The following HDAC4 variants were observed in gnomAD, a reference collection of about 807,000 sequenced individuals.
HDAC4 encodes histone deacetylase A.
A neutral mutation model predicts 135.1 loss-of-function variants in HDAC4; 16 were observed. The observed-to-expected ratio is 0.12, with a 90% CI of 0.08 to 0.18. The LOEUF is 0.18. Among genes scored for constraint, HDAC4 ranks in the 10% least tolerant of loss-of-function variants. The pLI, the probability that HDAC4 is intolerant of heterozygous loss-of-function variation, is 1.00. For missense variants in HDAC4, 1,143 were observed against 1,511.8 expected (o/e 0.76, Z 4.05); for synonymous variants, 685 against 653.4 (o/e 1.05, Z -0.74).
chr2:239,319,704 A>C (rs1322171711), intron 2 of HDAC4, among the ~76,000 whole-genome samples: 1 of 152,236 alleles, frequency 6.6e-6, no homozygotes, highest in Non-Finnish European at 1.5e-5. Context: ...AAAATTCACA[A>C]AATTGAATGC....
intron 12 of HDAC4, among the ~76,000 whole-genome samples, chr2:239,126,030 T>C (rs1271523587): frequency 1.3e-5 from 2 of 152,236 alleles, no homozygotes. Flanking sequence ...TGCTAGTTTA[T>C]TTAAAGGTAT....
intron 9 of HDAC4, among the ~76,000 whole-genome samples, chr2:239,137,874 C>A (rs1431481073): frequency 6.6e-6 from 1 of 152,206 alleles, no homozygotes. Context: ...CTTGGTATTT[C>A]CTGTAACTCC....
intron 3 of HDAC4, among the ~76,000 whole-genome samples, chr2:239,190,406 C>T (rs573933104): frequency 1.4e-4 from 21 of 152,354 alleles, no homozygotes; most frequent in African/African-American, 5.1e-4. Context: ...GCCCAGAGGC[C>T]TTGCTGACGT....
chr2:239,066,260 G>A (rs1479871941), intron 24 of HDAC4, among the ~76,000 whole-genome samples: 1 of 152,204 alleles, frequency 6.6e-6, no homozygotes, highest in Non-Finnish European at 1.5e-5. Flanking sequence ...TGTCCCTGGG[G>A]GCTCAGAGCA....
In HDAC4 at chr2:239,084,750, CCA is replaced by C. The variant is rs546637041; in HGVS notation, c.2445-510_2445-509del. On this transcript the variant is annotated intron_variant, in intron 19 of 26. Coordinates refer to ENST00000543185, the MANE Select transcript of HDAC4 (RefSeq NM_001378414.1). ...CATGCCCCACAGATACGCCCATACA[CCA>C]CAGACACACACCCCACACACACTCC... Among the ~76,000 whole-genome samples, 365 of 147,458 alleles carry C rather than the reference CCA, an allele frequency of 2.5e-3. 3 individuals carry two copies. The highest frequency in any genetic ancestry group is 8.5e-3 in the African/African-American group (337 of 39,846).
intron 22 of HDAC4, among the ~76,000 whole-genome samples, chr2:239,071,289 C>T (rs942317596): frequency 2.0e-5 from 3 of 152,078 alleles, no homozygotes; most frequent in African/African-American, 7.2e-5. Flanking sequence ...GTGGCATGCA[C>T]CTATAATCCC....
At chr2:239,280,730 T>G (rs1376410047) in intron 2 of HDAC4, among the ~76,000 whole-genome samples, 1 of 152,070 alleles carries the variant, frequency 6.6e-6, no homozygotes, top group Non-Finnish European at 1.5e-5. Context: ...CTTGTCCCCA[T>G]GCACACACGT....
In HDAC4 at chr2:239,306,416, C is replaced by T. The variant is rs548205686; in HGVS notation, c.22+46262G>A. Reference sequence around the variant, plus strand: ...AGGCCACCTGGCCAGGCCCCATCCACGGATGTGTCCCTGCCCAGGTGCCAG... The same window carrying T: ...AGGCCACCTGGCCAGGCCCCATCCATGGATGTGTCCCTGCCCAGGTGCCAG... On this transcript the variant is annotated intron_variant, in intron 2 of 26. Transcript: ENST00000543185. This position sits in a 1 kb window ranked among gnomAD's most constrained non-coding sequence, Gnocchi z 4.5. 5.9e-5 allele frequency among the ~76,000 whole-genome samples: 9 copies of T among 152,156 alleles called. No homozygotes were observed. Among genetic ancestry groups the T allele is most frequent in the East Asian group, 1.9e-4 (1 of 5,174 alleles).
intron 2 of HDAC4, among the ~76,000 whole-genome samples, chr2:239,321,490 A>G (rs1477642609): frequency 7.1e-6 from 1 of 141,476 alleles, no homozygotes. Context: ...AAAAAAAAAA[A>G]AGGTTAGCTT....
At chr2:239,337,018 T>C (rs948389304) in intron 2 of HDAC4, among the ~76,000 whole-genome samples, 1 of 152,088 alleles carries the variant, frequency 6.6e-6, no homozygotes, top group Non-Finnish European at 1.5e-5. Context: ...GTAGGAAGGG[T>C]GTCTACTGGA....
rs1312229886 is a variant in HDAC4, at chr2:239,144,690, C to T, written c.758G>A (p.Arg253Gln). The part of the protein sequence containing the change: ...KTASEPNLKL[R>Q]SRLKQKVAER... The stretch of plus-strand genomic sequence containing the variant: ...GGCCACTTTCTGCTTTAGCCTGGAC[C>T]GTAATTTCAGATTCGGTTCAGAAGC... The change falls in exon 8 of 27, where the codon CGG becomes CAG. Residue 253 changes from arginine (R) to glutamine (Q), a missense_variant. This residue lies in a region of HDAC4 where 5 missense variants were observed against 29.8 expected (regional missense o/e 0.17). Coordinates refer to ENST00000543185, the MANE Select transcript of HDAC4 (RefSeq NM_001378414.1). 3.7e-6 allele frequency: 6 copies of T among 1,614,148 alleles called. No individual in the cohort carries two copies. The highest frequency in any genetic ancestry group is 5.1e-6 in the Non-Finnish European group (6 of 1,180,032).
chr2:239,223,203 G>C (rs1451094457), intron 3 of HDAC4, among the ~76,000 whole-genome samples: 1 of 152,040 alleles, frequency 6.6e-6, no homozygotes, highest in Non-Finnish European at 1.5e-5. Context: ...CTAACAGCTG[G>C]GCCGAAGTAG....
chr2:239,312,461 T>C (rs190725002), intron 2 of HDAC4, among the ~76,000 whole-genome samples: 1 of 152,302 alleles, frequency 6.6e-6, no homozygotes, highest in Non-Finnish European at 1.5e-5. Context: ...CATTAGGCCC[T>C]TTCTTCCTCA....
In HDAC4 at chr2:239,084,256, C is replaced by A. The variant is rs1169173550; in HGVS notation, c.2445-14G>T. 2 of 1,600,902 alleles carry A rather than the reference C, an allele frequency of 1.2e-6. No individual in the cohort carries two copies. Among genetic ancestry groups the A allele is most frequent in the East Asian group, 2.3e-5 (1 of 44,428 alleles). ...TAGCAAAAGCCCCTGCGGGAGAGAA[C>A]TGACGCTGGAGACGAAGCGCAGGTG... On this transcript the variant is annotated splice_polypyrimidine_tract_variant and intron_variant, in intron 19 of 26. Transcript: ENST00000543185.
At chr2:239,088,582 A>C in intron 18 of HDAC4, among the ~76,000 whole-genome samples, 1 of 152,174 alleles carries the variant, frequency 6.6e-6, no homozygotes, top group East Asian at 1.9e-4. Flanking sequence ...GATGGTGCTG[A>C]AGCACCGGAG....
chr2:239,321,708 CATTTT>C (rs959812787), intron 2 of HDAC4, among the ~76,000 whole-genome samples: 32 of 152,094 alleles, frequency 2.1e-4, no homozygotes, highest in Admixed American at 5.2e-4. Context: ...TAAGGTCTGA[CATTTT>C]ATAGTTACTT....
chr2:239,200,787 T>C (rs944743333), intron 3 of HDAC4, among the ~76,000 whole-genome samples: 1 of 151,756 alleles, frequency 6.6e-6, no homozygotes, highest in Non-Finnish European at 1.5e-5. Flanking sequence ...CAGATTGCAT[T>C]CGACGCCGTG....
rs909221692 is a variant in HDAC4, at chr2:239,132,183, C to G, written c.1294+2062G>C. ...CTGCAGGGGCACATGAGTGCACAGC[C>G]CACTTAACCCTCATCAGGCTCACGG... is the stretch of plus-strand genomic sequence containing the variant. On this transcript the variant is annotated intron_variant, in intron 11 of 26. Transcript: ENST00000543185. Among the ~76,000 whole-genome samples the G allele has an allele frequency of 1.9e-4, 29 of 152,176 alleles. 1 individual carries two copies. Among genetic ancestry groups the G allele is most frequent in the Non-Finnish European group, 1.6e-4 (11 of 68,030 alleles).
chr2:239,272,422 G>C (rs906063830), intron 2 of HDAC4, among the ~76,000 whole-genome samples: 1 of 152,196 alleles, frequency 6.6e-6, no homozygotes, highest in African/African-American at 2.4e-5. Flanking sequence ...ATCTGATCAA[G>C]GAGCTGTATC....
Sources: gnomAD v4.1 joint callset for allele counts (sites outside exome capture counted in the v4.1 genomes callset) on GRCh38, gnomAD v4.1.1 for gene constraint, gnomAD v4.1.1 regional missense constraint, Gnocchi (gnomAD v3.1) non-coding constraint, MANE v1.5 for transcripts, NCBI Gene and HGNC (gene_info 2026-07-23, HGNC 2026-07-21) for gene names.